Variants in HYDIN observed in about 807,000 individuals in gnomAD.
HYDIN encodes the protein axonemal central pair apparatus protein HYDIN.
Under a neutral mutation model 403.9 loss-of-function variants are expected in HYDIN, and 132 were observed. The ratio of observed to expected loss-of-function variants is 0.33; its 90% CI spans 0.28 to 0.38. The LOEUF is 0.38. Ranked by LOEUF, HYDIN falls within the 10% of genes least tolerant of loss-of-function variation. The pLI is 1.00. For missense variants in HYDIN, 2,827 were observed against 5,009.5 expected (o/e 0.56, Z 13.15); for synonymous variants, 1,202 against 1,891.7 (o/e 0.64, Z 9.46).
At chr16:70,894,356 C>A (rs1774432) in intron 55 of HYDIN, 93 bp downstream of exon 55, 6 of 1,568,840 alleles carry the variant, frequency 3.8e-6, no homozygotes, top group Admixed American at 1.8e-5. Flanking sequence ...CAAACCCTAT[C>A]GGATTCAGGT....
chr16:70,965,585 A>C (rs2078548415), intron 36 of HYDIN, among the ~76,000 whole-genome samples: 1 of 152,258 alleles, frequency 6.6e-6, no homozygotes, highest in Non-Finnish European at 1.5e-5. Flanking sequence ...TGTATTTATA[A>C]GACACAGCAA....
chr16:70,981,261 A>C, intron 29 of HYDIN, 130 bp downstream of exon 29: 19 of 1,373,680 alleles, frequency 1.4e-5, no homozygotes, highest in Non-Finnish European at 1.8e-5. Flanking sequence ...TGGCAATTGC[A>C]GAATAACGTG....
At chr16:70,926,461 T>C (rs1365539828) in intron 45 of HYDIN, among the ~76,000 whole-genome samples, 1 of 145,802 alleles carries the variant, frequency 6.9e-6, no homozygotes, top group Non-Finnish European at 1.5e-5. Flanking sequence ...GGGACTGTTG[T>C]GGGGTGGGGG....
At position 70,879,661 on chromosome 16, in the gene HYDIN, C is replaced by A; in HGVS notation, c.10311G>T (p.Pro3437=). ...TGCACTGGTAGTTCTGCATGATCTG[C>A]GGGGTGAAGGACACCGTGGCAAAGG... is the stretch of plus-strand genomic sequence containing the variant. The part of the protein sequence containing the change: ...SHAFATVSFT[P]QIMQNYQCIF... The change falls in exon 61 of 86, where the codon CCG becomes CCT. Residue 3437 remains proline (P), a synonymous_variant. Transcript: ENST00000393567. The A allele has an allele frequency of 1.3e-6, 2 of 1,589,320 alleles. No homozygotes were observed. The highest frequency in any genetic ancestry group is 1.7e-6 in the Non-Finnish European group (2 of 1,162,608).
At chr16:70,981,602 A>G (rs2079048305) in intron 28 of HYDIN, 34 bp from the exon 29 acceptor site, 9 of 1,601,916 alleles carry the variant, frequency 5.6e-6, no homozygotes, top group Non-Finnish European at 7.7e-6. Context: ...AGGGAAAACG[A>G]ATGTGCTACA....
At chr16:71,177,181 C>G (rs979275541) in intron 4 of HYDIN, among the ~76,000 whole-genome samples, 1 of 152,198 alleles carries the variant, frequency 6.6e-6, no homozygotes, top group East Asian at 1.9e-4. Flanking sequence ...GCAGACAAAA[C>G]TCACACGTGC....
intron 10 of HYDIN, among the ~76,000 whole-genome samples, chr16:71,097,734 T>C (rs1361358559): frequency 1.3e-5 from 2 of 148,928 alleles, no homozygotes; most frequent in Non-Finnish European, 3.0e-5. Flanking sequence ...CTTAAATGTA[T>C]ACCATATAAT....
intron 75 of HYDIN, among the ~76,000 whole-genome samples, chr16:70,846,339 T>C (rs1214825263): frequency 7.9e-5 from 12 of 151,164 alleles, no homozygotes; most frequent in African/African-American, 1.7e-4. Context: ...AGTTTCCATG[T>C]AGTTGAGCGG....
At chr16:70,890,406 A>G (rs1175056029) in intron 57 of HYDIN, among the ~76,000 whole-genome samples, 2 of 152,242 alleles carry the variant, frequency 1.3e-5, no homozygotes, top group Non-Finnish European at 2.9e-5. Flanking sequence ...GAATTAAGTC[A>G]TAATCATTAT....
At chr16:70,995,098 C>T (rs1167200787) in intron 23 of HYDIN, among the ~76,000 whole-genome samples, 1 of 152,188 alleles carries the variant, frequency 6.6e-6, no homozygotes, top group African/African-American at 2.4e-5. Flanking sequence ...AGCCGCCCTC[C>T]CTGCTTGCCC....
intron 83 of HYDIN, among the ~76,000 whole-genome samples, chr16:70,824,703 C>T (rs999757673): frequency 6.6e-6 from 1 of 150,936 alleles, no homozygotes; most frequent in African/African-American, 2.4e-5. Context: ...TCAAGTGATC[C>T]ACCCACCTCA....
intron 23 of HYDIN, among the ~76,000 whole-genome samples, chr16:70,997,121 G>A (rs577978285): frequency 1.3e-5 from 2 of 150,864 alleles, no homozygotes. Context: ...TCACAATAGG[G>A]TTTGTGCTCC....
chr16:70,940,293 C>T (rs1041894006), intron 43 of HYDIN, among the ~76,000 whole-genome samples: 13 of 151,304 alleles, frequency 8.6e-5, no homozygotes, highest in Non-Finnish European at 1.5e-4. Flanking sequence ...CCGTCATCCT[C>T]GCAAGTTTGA....
intron 5 of HYDIN, among the ~76,000 whole-genome samples, chr16:71,173,015 G>A (rs1194291269): frequency 6.6e-6 from 1 of 152,192 alleles, no homozygotes; most frequent in Non-Finnish European, 1.5e-5. Flanking sequence ...GGGAAATGAT[G>A]TCTCTAAGGA....
intron 23 of HYDIN, among the ~76,000 whole-genome samples, chr16:70,998,503 A>G (rs1297462001): frequency 6.9e-6 from 1 of 145,076 alleles, no homozygotes; most frequent in Non-Finnish European, 1.5e-5. Flanking sequence ...ATTGTTCCTA[A>G]TTTATAATCT....
At chr16:71,034,899 A>T (rs1032114247) in intron 18 of HYDIN, among the ~76,000 whole-genome samples, 25 of 150,202 alleles carry the variant, frequency 1.7e-4, no homozygotes, top group Middle Eastern at 6.8e-3. Flanking sequence ...AATAGAAAAA[A>T]AAACAATTAA....
rs377043715 is a variant in HYDIN at position 70,921,029 on chromosome 16, G to A, written c.7347C>T (p.Pro2449=). The change falls in exon 46 of 86, where the codon CCC becomes CCT. Residue 2449 remains proline (P), a synonymous_variant. Coordinates refer to ENST00000393567, the MANE Select transcript of HYDIN (RefSeq NM_001270974.2). ...EDSEGDNSKD[P]DKQLAPKFKT... is the part of the protein sequence containing the mutation. ...TAAACTTCGGGGCCAGTTGCTTGTCGGGGTCCTTTGAGTTGTCCCCTTCAC... is the reference window on the plus strand; with the variant it reads ...TAAACTTCGGGGCCAGTTGCTTGTCAGGGTCCTTTGAGTTGTCCCCTTCAC... 2.1e-5 allele frequency: 34 copies of A among 1,606,538 alleles called. No individual in the cohort carries two copies. Among genetic ancestry groups the A allele is most frequent in the East Asian group, 4.5e-5 (2 of 44,834 alleles).
intron 84 of HYDIN, among the ~76,000 whole-genome samples, chr16:70,817,806 G>C (rs2355396): frequency 2.0e-5 from 3 of 151,842 alleles, no homozygotes; most frequent in Admixed American, 2.0e-4. Flanking sequence ...CAGTGGCACA[G>C]TCTCGGCTCA....
intron 23 of HYDIN, among the ~76,000 whole-genome samples, chr16:71,005,412 C>T (rs1239501196): frequency 6.6e-6 from 1 of 151,960 alleles, no homozygotes; most frequent in African/African-American, 2.4e-5. Context: ...TCTCTCTCTC[C>T]TTTTGCTATA....
Sources: gnomAD v4.1 joint callset for allele counts (sites outside exome capture counted in the v4.1 genomes callset) on GRCh38, gnomAD v4.1.1 for gene constraint, MANE v1.5 for transcripts, NCBI Gene and HGNC (gene_info 2026-07-23, HGNC 2026-07-21) for gene names.